IMMP2L: variants seen among roughly 807,000 people sequenced by gnomAD.
IMMP2L encodes mitochondrial inner membrane protease subunit 2.
Under a neutral mutation model 19.3 loss-of-function variants are expected in IMMP2L, and 18 were observed. The ratio of observed to expected loss-of-function variants is 0.93; its 90% CI spans 0.64 to 1.38. IMMP2L has a LOEUF of 1.38. IMMP2L is among the 40% of genes most tolerant of loss of function. IMMP2L has a pLI of 0.00. For missense variants in IMMP2L, 233 were observed against 218.2 expected (o/e 1.07, Z -0.43); for synonymous variants, 76 against 73.0 (o/e 1.04, Z -0.21).
intron 4 of IMMP2L, among the ~76,000 whole-genome samples, chr7:110,909,286 A>G (rs375505052): frequency 6.6e-6 from 1 of 152,182 alleles, no homozygotes; most frequent in African/African-American, 2.4e-5. Flanking sequence ...TATTTAATCA[A>G]TTGGTTAGGT....
intron 3 of IMMP2L, among the ~76,000 whole-genome samples, chr7:111,104,673 A>C (rs1460350976): frequency 6.6e-6 from 1 of 151,768 alleles, no homozygotes; most frequent in Non-Finnish European, 1.5e-5. Flanking sequence ...AATGTGGAGA[A>C]AAGGAAAATT....
intron 3 of IMMP2L, among the ~76,000 whole-genome samples, chr7:111,470,778 T>A (rs1434702925): frequency 2.0e-5 from 3 of 149,140 alleles, no homozygotes; most frequent in Admixed American, 2.0e-4. Context: ...TAATGCTAAA[T>A]GACGAGTTAA....
At chr7:111,148,271 G>A (rs983640743) in intron 3 of IMMP2L, among the ~76,000 whole-genome samples, 2 of 152,076 alleles carry the variant, frequency 1.3e-5, no homozygotes, top group African/African-American at 4.8e-5. Flanking sequence ...GTTAAATATT[G>A]TATGATTCCA....
At chr7:110,788,629 T>C (rs987510821) in intron 5 of IMMP2L, among the ~76,000 whole-genome samples, 3 of 151,688 alleles carry the variant, frequency 2.0e-5, no homozygotes, top group African/African-American at 4.9e-5. Flanking sequence ...TCCAACTGTT[T>C]ATTTGACATC....
chr7:110,973,214 T>C (rs1276308077), intron 3 of IMMP2L, among the ~76,000 whole-genome samples: 1 of 152,090 alleles, frequency 6.6e-6, no homozygotes, highest in Non-Finnish European at 1.5e-5. Flanking sequence ...TATGAGGAAA[T>C]GGCTATGTTA....
chr7:110,814,519 T>TA (rs959303284), intron 5 of IMMP2L, among the ~76,000 whole-genome samples: 8 of 151,074 alleles, frequency 5.3e-5, no homozygotes, highest in Non-Finnish European at 1.2e-4. Flanking sequence ...CATTTATATC[T>TA]AAAAAAATCA....
At chr7:110,796,821 C>A (rs746391095) in intron 5 of IMMP2L, among the ~76,000 whole-genome samples, 59 of 152,028 alleles carry the variant, frequency 3.9e-4, no homozygotes, top group Non-Finnish European at 7.4e-4. Context: ...CCAAGGATAT[C>A]TACAAGGTGT....
chr7:111,097,053 G>A (rs1165583602), intron 3 of IMMP2L: 1 of 151,846 alleles, frequency 6.6e-6, no homozygotes, highest in Non-Finnish European at 1.5e-5. Flanking sequence ...CAGATAATCA[G>A]CTACTCTATT....
At chr7:111,177,473 G>T (rs1326961729) in intron 3 of IMMP2L, among the ~76,000 whole-genome samples, 2 of 152,014 alleles carry the variant, frequency 1.3e-5, no homozygotes, top group African/African-American at 4.8e-5. Context: ...TAGCCATTGT[G>T]CCCGGGCTTC....
chr7:111,405,925 C>G (rs764156525), intron 3 of IMMP2L, among the ~76,000 whole-genome samples: 1 of 152,068 alleles, frequency 6.6e-6, no homozygotes. Flanking sequence ...AATTGAATAG[C>G]TGCAACAAGG....
At chr7:111,385,893 A>T (rs1260981636) in intron 3 of IMMP2L, among the ~76,000 whole-genome samples, 1 of 152,050 alleles carries the variant, frequency 6.6e-6, no homozygotes, top group African/African-American at 2.4e-5. Context: ...GTGAAGGAAT[A>T]AACTCAACCT....
At chr7:110,794,292 A>T (rs921806704) in intron 5 of IMMP2L, among the ~76,000 whole-genome samples, 1 of 152,158 alleles carries the variant, frequency 6.6e-6, no homozygotes, top group Non-Finnish European at 1.5e-5. Context: ...ACTGTGGTAC[A>T]TACATACAAT....
chr7:110,887,035 T>A (rs980103384), intron 4 of IMMP2L, among the ~76,000 whole-genome samples: 6 of 152,148 alleles, frequency 3.9e-5, no homozygotes, highest in Non-Finnish European at 5.9e-5. Flanking sequence ...TATTTGTTTT[T>A]TTAACATTTG....
At chr7:110,897,740 C>T (rs570170340) in intron 4 of IMMP2L, among the ~76,000 whole-genome samples, 7 of 152,002 alleles carry the variant, frequency 4.6e-5, no homozygotes, top group Non-Finnish European at 8.8e-5. Flanking sequence ...CCATGGAATG[C>T]TATATAACCC....
At chr7:111,170,702 G>A (rs1806337125) in intron 3 of IMMP2L, among the ~76,000 whole-genome samples, 1 of 151,602 alleles carries the variant, frequency 6.6e-6, no homozygotes, top group Non-Finnish European at 1.5e-5. Context: ...GTTTACCTAA[G>A]GTATACATCA....
At chr7:111,293,024 T>C (rs2129734661) in intron 3 of IMMP2L, among the ~76,000 whole-genome samples, 1 of 152,030 alleles carries the variant, frequency 6.6e-6, no homozygotes. Flanking sequence ...AGCATATACC[T>C]CACCATCCTG....
intron 3 of IMMP2L, among the ~76,000 whole-genome samples, chr7:111,273,593 T>C (rs2040340478): frequency 6.6e-6 from 1 of 151,602 alleles, no homozygotes; most frequent in South Asian, 2.1e-4. Flanking sequence ...TGCAGGGAGG[T>C]GCACGTGCAA....
chr7:110,807,347 G>A (rs1054552649), intron 5 of IMMP2L, among the ~76,000 whole-genome samples: 1 of 151,938 alleles, frequency 6.6e-6, no homozygotes, highest in Non-Finnish European at 1.5e-5. Context: ...AAAAAACCTA[G>A]TTTGAAAGCG....
At chr7:111,479,272 CT>C (rs1841978033) in intron 3 of IMMP2L, among the ~76,000 whole-genome samples, 1 of 152,104 alleles carries the variant, frequency 6.6e-6, no homozygotes, top group Non-Finnish European at 1.5e-5. Flanking sequence ...AGTGTGTTTC[CT>C]TTCATTCTTA....
Sources: allele counts gnomAD v4.1 joint callset (sites outside exome capture counted in the v4.1 genomes callset), GRCh38; gene constraint gnomAD v4.1.1; transcripts MANE v1.5; gene names NCBI Gene and HGNC (gene_info 2026-07-23, HGNC 2026-07-21).